Variants in HCN1 observed in about 807,000 individuals in gnomAD.
The protein encoded by HCN1 is potassium/sodium hyperpolarization-activated cyclic nucleotide-gated channel 1.
HCN1 carries 13 observed loss-of-function variants against 78.9 expected under a neutral mutation model. The ratio of observed to expected loss-of-function variants is 0.16; its 90% confidence interval spans 0.11 to 0.26. The LOEUF is 0.26. HCN1 is among the 10% of genes least tolerant of loss of function. The probability of loss-of-function intolerance (pLI) is 1.00; values close to 1 mark genes in which losing one functional copy is unlikely to be tolerated. For synonymous variants in HCN1, 552 were observed against 455.5 expected (o/e 1.21, Z -2.70); for missense variants, 810 against 1,154.3 (o/e 0.70, Z 4.32).
chr5:45,258,648 G>T lies in HCN1; in HGVS notation c.*3273C>A, dbSNP rs189270093. On this transcript the variant is annotated 3_prime_UTR_variant, in exon 8 of 8. Coordinates refer to ENST00000303230, the MANE Select transcript of HCN1 (RefSeq NM_021072.4). Reference sequence around the variant, plus strand: ...ATCACTCTCCAAATAACTTTGCAGGGCCCAAGGCTATAAATATGAATATAT... The same window carrying T: ...ATCACTCTCCAAATAACTTTGCAGGTCCCAAGGCTATAAATATGAATATAT... 1 of 151,844 alleles carries T rather than the reference G, an allele frequency of 6.6e-6. No homozygotes were observed. Among genetic ancestry groups the T allele is most frequent in the Non-Finnish European group, 1.5e-5 (1 of 67,928 alleles). The allele number at this position is 151,844 out of a possible 1,614,324, so 9.4% of individuals were successfully genotyped here. A position where few individuals can be genotyped will look rare whatever the true frequency, so the allele number is the denominator to read the frequency against.
At chr5:45,616,954 G>C (rs1471634484) in intron 2 of HCN1, among the ~76,000 whole-genome samples, 1 of 152,000 alleles carries the variant, frequency 6.6e-6, no homozygotes, top group African/African-American at 2.4e-5. Context: ...TAGTCTTAAA[G>C]ATGCCTGTGA....
At chr5:45,575,219 G>A (rs1321960086) in intron 2 of HCN1, 1 of 152,112 alleles carries the variant, frequency 6.6e-6, no homozygotes, top group Non-Finnish European at 1.5e-5. Flanking sequence ...TCAAAGAACA[G>A]TCTGACTCTC....
chr5:45,606,609 C>T (rs527260552), intron 2 of HCN1, among the ~76,000 whole-genome samples: 180 of 151,946 alleles, frequency 1.2e-3, no homozygotes, highest in African/African-American at 4.2e-3. Context: ...GCACATAAAC[C>T]GGATTAAAAC....
At chr5:45,483,980 C>A (rs1274015488) in intron 2 of HCN1, among the ~76,000 whole-genome samples, 1 of 152,002 alleles carries the variant, frequency 6.6e-6, no homozygotes, top group African/African-American at 2.4e-5. Context: ...GGTCTATGTG[C>A]CTGTTTTTGT....
chr5:45,547,473 G>C (rs1743253006), intron 2 of HCN1, among the ~76,000 whole-genome samples: 1 of 151,904 alleles, frequency 6.6e-6, no homozygotes. Flanking sequence ...CTAGCGGAGA[G>C]AGTCTGCAAG....
At chr5:45,387,723 C>T (rs1016160267) in intron 4 of HCN1, among the ~76,000 whole-genome samples, 2 of 152,110 alleles carry the variant, frequency 1.3e-5, no homozygotes, top group South Asian at 2.1e-4. Flanking sequence ...AGGCCATATA[C>T]AGTAGTCCTC....
chr5:45,644,232 T>C (rs776023469), intron 2 of HCN1: 3 of 152,214 alleles, frequency 2.0e-5, no homozygotes, highest in Non-Finnish European at 2.9e-5. Flanking sequence ...AGCCAGTATA[T>C]GACTTTATAT....
At chr5:45,482,281 G>A (rs930903819) in intron 2 of HCN1, among the ~76,000 whole-genome samples, 3 of 152,136 alleles carry the variant, frequency 2.0e-5, no homozygotes, top group African/African-American at 7.2e-5. Flanking sequence ...AACAGTGGCA[G>A]GGAAAGGGGC....
At chr5:45,551,172 G>C (rs531102146) in intron 2 of HCN1, among the ~76,000 whole-genome samples, 31 of 152,032 alleles carry the variant, frequency 2.0e-4, no homozygotes, top group Non-Finnish European at 4.4e-4. Context: ...TTCATATTCA[G>C]TGATACGCAT....
chr5:45,372,318 A>T (rs1467125231), intron 4 of HCN1, among the ~76,000 whole-genome samples: 1 of 100,238 alleles, frequency 1.0e-5, no homozygotes, highest in Non-Finnish European at 1.8e-5. Context: ...TATGTGAAAT[A>T]TATATGTTAT....
At chr5:45,488,001 A>G (rs1741802886) in intron 2 of HCN1, among the ~76,000 whole-genome samples, 1 of 152,104 alleles carries the variant, frequency 6.6e-6, no homozygotes, top group African/African-American at 2.4e-5. Flanking sequence ...AATCTTGACT[A>G]GAGAGTATAC....
intron 4 of HCN1, among the ~76,000 whole-genome samples, chr5:45,360,426 A>G (rs926343782): frequency 1.6e-4 from 24 of 151,996 alleles, no homozygotes; most frequent in Non-Finnish European, 3.1e-4. Flanking sequence ...AAATTCTAGT[A>G]TTGCCAGCTA....
chr5:45,524,623 T>C (rs1443982885), intron 2 of HCN1, among the ~76,000 whole-genome samples: 1 of 152,166 alleles, frequency 6.6e-6, no homozygotes, highest in African/African-American at 2.4e-5. Context: ...GAAGCAATTG[T>C]GAATGGGCGT....
chr5:45,573,832 T>C (rs1300376183), intron 2 of HCN1, among the ~76,000 whole-genome samples: 2 of 152,148 alleles, frequency 1.3e-5, no homozygotes, highest in Non-Finnish European at 2.9e-5. Flanking sequence ...ATTTACATTA[T>C]AAGATGTATT....
rs1744655132 is a variant in HCN1, at chr5:45,258,045, T to C, written c.*3876A>G. ...AACCACATGGGTTTTATGGCACATG[T>C]TCTAAAAAGATAAAGATATAATGGA... On this transcript the variant is annotated 3_prime_UTR_variant, in exon 8 of 8. Transcript: ENST00000303230. The C allele has an allele frequency of 6.6e-6, 1 of 152,104 alleles. No individual in the cohort carries two copies. Among genetic ancestry groups the C allele is most frequent in the Non-Finnish European group, 1.5e-5 (1 of 68,016 alleles). 9.4% of individuals were successfully genotyped at this position (152,104 alleles called of 1,614,324 possible).
At chr5:45,268,441 A>G (rs1274182642) in intron 6 of HCN1, among the ~76,000 whole-genome samples, 10 of 152,222 alleles carry the variant, frequency 6.6e-5, no homozygotes, top group Admixed American at 2.6e-4. Context: ...AAATTTAGTC[A>G]CCTAACAAAA....
At chr5:45,583,571 T>G (rs1315430570) in intron 2 of HCN1, among the ~76,000 whole-genome samples, 1 of 152,214 alleles carries the variant, frequency 6.6e-6, no homozygotes, top group Non-Finnish European at 1.5e-5. Flanking sequence ...CTACTAGCTT[T>G]TGAACGTGCT....
chr5:45,414,334 A>G (rs1280406757), intron 3 of HCN1, among the ~76,000 whole-genome samples: 3 of 152,054 alleles, frequency 2.0e-5, no homozygotes, highest in Non-Finnish European at 4.4e-5. Flanking sequence ...GTTACTCTCA[A>G]TTATTTAGGT....
intron 5 of HCN1, among the ~76,000 whole-genome samples, chr5:45,306,701 C>T (rs1345391385): frequency 6.6e-6 from 1 of 151,994 alleles, no homozygotes; most frequent in African/African-American, 2.4e-5. Flanking sequence ...AATCACCTTT[C>T]CTTAGGGCAC....
Sources: allele counts gnomAD v4.1 joint callset (sites outside exome capture counted in the v4.1 genomes callset), GRCh38; gene constraint gnomAD v4.1.1; transcripts MANE v1.5; gene names NCBI Gene and HGNC (gene_info 2026-07-23, HGNC 2026-07-21).